PDE1C: variants seen among roughly 807,000 people sequenced by gnomAD.
The protein encoded by PDE1C is dual specificity calcium/calmodulin-dependent 3',5'-cyclic nucleotide phosphodiesterase 1C.
Under a neutral mutation model 93.1 loss-of-function variants are expected in PDE1C, and 62 were observed. The observed-to-expected ratio is 0.67, with a 90% CI of 0.54 to 0.82. The LOEUF is 0.82. Among genes scored for constraint, PDE1C ranks in the 40% least tolerant of loss-of-function variants. PDE1C has a pLI of 0.00. For synonymous variants in PDE1C, 325 were observed against 310.1 expected (o/e 1.05, Z -0.50); for missense variants, 742 against 884.6 (o/e 0.84, Z 2.04).
At chr7:32,020,675 C>A (rs544131951) in intron 2 of PDE1C, among the ~76,000 whole-genome samples, 62 of 152,140 alleles carry the variant, frequency 4.1e-4, no homozygotes, top group Non-Finnish European at 8.7e-4. Context: ...AGCCTCAAAT[C>A]CTGGTAAGTT....
At chr7:32,401,597 A>G (rs981116522) in intron 1 of PDE1C, among the ~76,000 whole-genome samples, 2 of 152,132 alleles carry the variant, frequency 1.3e-5, no homozygotes, top group African/African-American at 4.8e-5. Flanking sequence ...TGAGGAAATA[A>G]ATAGAAACAG....
At chr7:32,116,185 GTGA>G (rs1798976054) in intron 3 of PDE1C, among the ~76,000 whole-genome samples, 1 of 152,212 alleles carries the variant, frequency 6.6e-6, no homozygotes, top group South Asian at 2.1e-4. Flanking sequence ...GAAACTTCAT[GTGA>G]TGATTTTATA....
chr7:32,096,860 T>C (rs113214132), intron 3 of PDE1C, among the ~76,000 whole-genome samples: 4 of 150,408 alleles, frequency 2.7e-5, no homozygotes, highest in African/African-American at 9.8e-5. Context: ...GATAGATAGA[T>C]AGACAGACAG....
rs372917246 is a variant in PDE1C at position 31,823,196 on chromosome 7, C to T, written c.1459G>A (p.Gly487Ser). ...TTGATCGGGGCACTTCCCTCTGAACCAGAGGTCTTGACACCTGATCGCTTG... is the reference window on the plus strand; with the variant it reads ...TTGATCGGGGCACTTCCCTCTGAACTAGAGGTCTTGACACCTGATCGCTTG... ...DAKRSGVKTS[G>S]SEGSAPINNS... The change falls in exon 14 of 18, where the codon GGT becomes AGT. Residue 487 changes from glycine (G) to serine (S), a missense_variant. This residue lies in a region of PDE1C where 454 missense variants were observed against 459.4 expected (regional missense o/e 0.99). Coordinates refer to ENST00000396191, the MANE Select transcript of PDE1C (RefSeq NM_001191057.4). 7.4e-6 allele frequency: 12 copies of T among 1,613,022 alleles called. No individual in the cohort carries two copies. The African/African-American group carries it at 1.5e-4, about 20-fold the overall frequency.
chr7:31,848,250 T>C (rs190889856), intron 8 of PDE1C, among the ~76,000 whole-genome samples, 154 bp from the exon 9 acceptor site: 28 of 152,310 alleles, frequency 1.8e-4, no homozygotes, highest in Non-Finnish European at 3.2e-4. Context: ...CAACTAACAC[T>C]ACAAATCATC....
At chr7:31,842,409 A>C (rs1792026907) in intron 9 of PDE1C, among the ~76,000 whole-genome samples, 1 of 152,134 alleles carries the variant, frequency 6.6e-6, no homozygotes, top group Non-Finnish European at 1.5e-5. Context: ...CAGTTAAACT[A>C]TCCAAGGCTG....
At chr7:32,407,949 G>A (rs982065379) in intron 1 of PDE1C, among the ~76,000 whole-genome samples, 1 of 152,054 alleles carries the variant, frequency 6.6e-6, no homozygotes, top group African/African-American at 2.4e-5. Flanking sequence ...AAAGAGATTT[G>A]TATTTGTGCC....
At chr7:31,706,383 T>A in the PDE1C span, among the ~76,000 whole-genome samples, 1 of 152,270 alleles carries the variant, frequency 6.6e-6, no homozygotes, top group East Asian at 1.9e-4. Flanking sequence ...AAGGTTGCAT[T>A]TCAAAAACCT....
At chr7:31,910,873 G>A (rs1162846518) in intron 2 of PDE1C, among the ~76,000 whole-genome samples, 1 of 152,176 alleles carries the variant, frequency 6.6e-6, no homozygotes, top group African/African-American at 2.4e-5. Flanking sequence ...CCAGAAGAGT[G>A]TTTGCAATTA....
chr7:31,884,723 C>T (rs1157444815), intron 2 of PDE1C, among the ~76,000 whole-genome samples: 2 of 152,212 alleles, frequency 1.3e-5, no homozygotes, highest in Non-Finnish European at 2.9e-5. Flanking sequence ...CCCTGCCCTG[C>T]CATATCCTAC....
intron 2 of PDE1C, among the ~76,000 whole-genome samples, chr7:31,979,289 C>T (rs1011785656): frequency 1.3e-5 from 2 of 152,144 alleles, no homozygotes; most frequent in Non-Finnish European, 2.9e-5. Flanking sequence ...TACTTACCAA[C>T]CATGAGAATT....
intron 1 of PDE1C, among the ~76,000 whole-genome samples, chr7:32,394,030 A>T (rs1009748286): frequency 1.3e-5 from 2 of 152,208 alleles, no homozygotes; most frequent in Non-Finnish European, 2.9e-5. Context: ...CTAGTGACTC[A>T]GAAGTGATAT....
intron 2 of PDE1C, among the ~76,000 whole-genome samples, chr7:31,892,745 CATA>C (rs1447518627): frequency 6.6e-6 from 1 of 152,064 alleles, no homozygotes; most frequent in Non-Finnish European, 1.5e-5. Context: ...TTTCACTTAG[CATA>C]ATGTCCTCTA....
chr7:31,763,734 G>GA (rs1230587881), intron 17 of PDE1C, among the ~76,000 whole-genome samples: 1 of 152,146 alleles, frequency 6.6e-6, no homozygotes, highest in Non-Finnish European at 1.5e-5. Flanking sequence ...CACAGCACAG[G>GA]AAGACAAAAG....
the PDE1C span, among the ~76,000 whole-genome samples, chr7:31,631,482 A>C: frequency 1.3e-5 from 2 of 152,172 alleles, no homozygotes; most frequent in Non-Finnish European, 2.9e-5. Context: ...AATGATCTTT[A>C]TTTTTTATTT....
intron 3 of PDE1C, among the ~76,000 whole-genome samples, chr7:32,135,118 C>G (rs189222620): frequency 1.3e-5 from 2 of 152,056 alleles, no homozygotes; most frequent in Non-Finnish European, 2.9e-5. Flanking sequence ...CAACAAGAGA[C>G]AAAGACTTCC....
At chr7:31,772,646 C>T (rs1158594732) in intron 17 of PDE1C, among the ~76,000 whole-genome samples, 1 of 152,028 alleles carries the variant, frequency 6.6e-6, no homozygotes, top group Non-Finnish European at 1.5e-5. Flanking sequence ...AATGAACTTA[C>T]TCAACCATCT....
the PDE1C span, among the ~76,000 whole-genome samples, chr7:31,744,261 A>AAC: frequency 9.3e-4 from 140 of 150,332 alleles, no homozygotes; most frequent in Middle Eastern, 3.4e-3. Flanking sequence ...TATGTAGACA[A>AAC]ACACACACAC....
chr7:32,373,888 G>A (rs1784373496), intron 1 of PDE1C, among the ~76,000 whole-genome samples: 2 of 152,106 alleles, frequency 1.3e-5, no homozygotes, highest in Non-Finnish European at 2.9e-5. Flanking sequence ...CTGGGAGAGT[G>A]AGGCAGGAGA....
Sources: gnomAD v4.1 joint callset for allele counts (sites outside exome capture counted in the v4.1 genomes callset) on GRCh38, gnomAD v4.1.1 for gene constraint, gnomAD v4.1.1 regional missense constraint, MANE v1.5 for transcripts, NCBI Gene and HGNC (gene_info 2026-07-23, HGNC 2026-07-21) for gene names.